The following HTR4 variants were observed in gnomAD, a reference collection of about 807,000 sequenced individuals.
HTR4 encodes the protein 5-hydroxytryptamine (serotonin) receptor 4, G protein-coupled.
A neutral mutation model predicts 36.8 loss-of-function variants in HTR4; 16 were observed. That is an observed-to-expected ratio of 0.43 (90% CI 0.29 to 0.66). The LOEUF (loss-of-function observed/expected upper bound fraction) is 0.66. Ranked by LOEUF, HTR4 falls within the 30% of genes least tolerant of loss-of-function variation. HTR4 has a pLI of 0.13. For synonymous variants in HTR4, 189 were observed against 185.1 expected (o/e 1.02, Z -0.17); for missense variants, 438 against 490.9 (o/e 0.89, Z 1.02).
At chr5:148,495,053 G>T (rs1756624362) in intron 6 of HTR4, among the ~76,000 whole-genome samples, 1 of 152,188 alleles carries the variant, frequency 6.6e-6, no homozygotes, top group African/African-American at 2.4e-5. Context: ...CAGGAATTGG[G>T]TAAGTGTCCT....
chr5:148,609,756 C>T (rs1007805253), intron 2 of HTR4, among the ~76,000 whole-genome samples: 9 of 151,754 alleles, frequency 5.9e-5, no homozygotes, highest in African/African-American at 1.9e-4. Flanking sequence ...TTAGTAGAGA[C>T]GGGGTTTCAC....
At chr5:148,491,961 C>T (rs1416327863) in intron 6 of HTR4, among the ~76,000 whole-genome samples, 3 of 152,176 alleles carry the variant, frequency 2.0e-5, no homozygotes, top group African/African-American at 7.2e-5. Context: ...AGAGCTCAGG[C>T]TCAGGTATTG....
intron 2 of HTR4, among the ~76,000 whole-genome samples, chr5:148,585,753 C>T (rs1761321473): frequency 6.6e-6 from 1 of 152,192 alleles, no homozygotes; most frequent in Non-Finnish European, 1.5e-5. Context: ...TCCTGATTTA[C>T]ATTTTTGTAT....
intron 4 of HTR4, among the ~76,000 whole-genome samples, chr5:148,546,398 A>G (rs1759385445): frequency 6.6e-6 from 1 of 152,208 alleles, no homozygotes; most frequent in Non-Finnish European, 1.5e-5. Context: ...TCCCAGAACT[A>G]AACATTTTAA....
chr5:148,557,121 C>G (rs1759982178), intron 2 of HTR4, among the ~76,000 whole-genome samples: 1 of 151,984 alleles, frequency 6.6e-6, no homozygotes, highest in Non-Finnish European at 1.5e-5. Flanking sequence ...AGTTTATGTT[C>G]TATTGGAAGA....
At chr5:148,528,454 A>T (rs1211797105) in intron 4 of HTR4, among the ~76,000 whole-genome samples, 2 of 152,144 alleles carry the variant, frequency 1.3e-5, no homozygotes, top group Non-Finnish European at 2.9e-5. Context: ...TATCCTTCCA[A>T]TGTCTTTCTG....
At chr5:148,622,034 A>G (rs1581558917) in intron 2 of HTR4, among the ~76,000 whole-genome samples, 1 of 152,160 alleles carries the variant, frequency 6.6e-6, no homozygotes, top group Non-Finnish European at 1.5e-5. Flanking sequence ...TTTGACCGGT[A>G]TCCAAATGCA....
intron 6 of HTR4, among the ~76,000 whole-genome samples, chr5:148,502,409 A>G (rs541355875): frequency 6.6e-6 from 1 of 152,360 alleles, no homozygotes; most frequent in South Asian, 2.1e-4. Flanking sequence ...TAACTCCAGC[A>G]AACTCCAACA....
chr5:148,560,010 C>G (rs1760123817), intron 2 of HTR4, among the ~76,000 whole-genome samples: 1 of 151,980 alleles, frequency 6.6e-6, no homozygotes. Flanking sequence ...TCATTTGTTT[C>G]CATATTCTAG....
At chr5:148,545,715 A>G (rs1406073827) in intron 4 of HTR4, among the ~76,000 whole-genome samples, 1 of 152,218 alleles carries the variant, frequency 6.6e-6, no homozygotes. Flanking sequence ...AGAAGGCCAA[A>G]GCAACTCGGG....
intron 5 of HTR4, among the ~76,000 whole-genome samples, chr5:148,512,585 A>G (rs190269445): frequency 1.3e-5 from 2 of 152,264 alleles, no homozygotes; most frequent in East Asian, 1.9e-4. Context: ...AAGAACCTAT[A>G]CTTTTGGTTA....
At chr5:148,554,609 G>GA (rs1054049814) in intron 2 of HTR4, among the ~76,000 whole-genome samples, 3 of 152,268 alleles carry the variant, frequency 2.0e-5, no homozygotes, top group African/African-American at 7.2e-5. Context: ...TTGGAATGAT[G>GA]AAAAAATTCT....
chr5:148,548,944 G>A (rs1759535485), intron 3 of HTR4, 76 bp from the exon 4 acceptor site: 7 of 983,280 alleles, frequency 7.1e-6, no homozygotes, highest in Admixed American at 6.3e-5. Context: ...GAGATCAAGA[G>A]AAAAAACAGG....
At chr5:148,615,443 C>G (rs1752623951) in intron 2 of HTR4, among the ~76,000 whole-genome samples, 1 of 146,270 alleles carries the variant, frequency 6.8e-6, no homozygotes, top group Non-Finnish European at 1.5e-5. Context: ...AAAAACCAAA[C>G]ACTGCATATT....
intron 2 of HTR4, among the ~76,000 whole-genome samples, chr5:148,631,901 A>G (rs187043690): frequency 1.3e-5 from 2 of 152,174 alleles, no homozygotes; most frequent in Admixed American, 6.5e-5. Context: ...TATGTATTTT[A>G]TATTTAAATT....
At chr5:148,585,723 T>G (rs1008200842) in intron 2 of HTR4, among the ~76,000 whole-genome samples, 2 of 152,194 alleles carry the variant, frequency 1.3e-5, no homozygotes, top group African/African-American at 4.8e-5. Flanking sequence ...TGGGTTGGTC[T>G]TTTGTCTATA....
chr5:148,615,326 T>C (rs1168623216), intron 2 of HTR4, among the ~76,000 whole-genome samples: 3 of 151,836 alleles, frequency 2.0e-5, no homozygotes, highest in Non-Finnish European at 2.9e-5. Flanking sequence ...GTGGCACATA[T>C]ACACCATGGA....
intron 2 of HTR4, among the ~76,000 whole-genome samples, chr5:148,618,161 G>A (rs190314361): frequency 5.3e-5 from 8 of 152,292 alleles, no homozygotes; most frequent in African/African-American, 1.7e-4. Context: ...ACTGTAGCCA[G>A]GGGTCAGGTG....
chr5:148,594,090 T>A (rs1244338948), intron 2 of HTR4, among the ~76,000 whole-genome samples: 1 of 152,210 alleles, frequency 6.6e-6, no homozygotes, highest in Non-Finnish European at 1.5e-5. Context: ...AACAATATTC[T>A]TCTTTTTAGG....
Sources: gnomAD v4.1 joint callset for allele counts (sites outside exome capture counted in the v4.1 genomes callset) on GRCh38, gnomAD v4.1.1 for gene constraint, MANE v1.5 for transcripts, NCBI Gene and HGNC (gene_info 2026-07-23, HGNC 2026-07-21) for gene names.